PHTF2: variants seen among roughly 807,000 people sequenced by gnomAD.
The protein encoded by PHTF2 is protein PHTF2.
Under a neutral mutation model 101.2 loss-of-function variants are expected in PHTF2, and 60 were observed. The observed-to-expected ratio is 0.59, with a 90% CI of 0.48 to 0.73. PHTF2 has a LOEUF of 0.73. Among genes scored for constraint, PHTF2 ranks in the 30% least tolerant of loss-of-function variants. The pLI, the probability that PHTF2 is intolerant of heterozygous loss-of-function variation, is 0.00. For synonymous variants in PHTF2, 311 were observed against 307.3 expected, an observed-to-expected ratio of 1.01 and a Z score of -0.13; for missense variants, 747 against 908.7, an observed-to-expected ratio of 0.82 and a Z score of 2.29.
intron 10 of PHTF2, 70 bp from the exon 10 acceptor site, chr7:77,922,553 T>A: frequency 7.6e-7 from 1 of 1,309,146 alleles, no homozygotes; most frequent in South Asian, 1.6e-5. Context: ...TAATTTCAAA[T>A]TTCATAGTTT....
chr7:77,845,939 A>G lies in PHTF2; in HGVS notation c.45+5639A>G, dbSNP rs185018959. Among the ~76,000 whole-genome samples the G allele has an allele frequency of 2.3e-3, 346 of 152,298 alleles. 2 individuals carry two copies. The highest frequency in any genetic ancestry group is 7.9e-3 in the African/African-American group (327 of 41,570). On this transcript the variant is annotated intron_variant, in intron 2 of 19. Transcript: ENST00000416283. ...GTTTACTTAATCCCAAGACCAGAGCACCATCAGATGTGTCCGTCTGCCTCT... is the reference window on the plus strand; with the variant it reads ...GTTTACTTAATCCCAAGACCAGAGCGCCATCAGATGTGTCCGTCTGCCTCT...
At chr7:77,827,167 A>C (rs1458121493) in intron 1 of PHTF2, among the ~76,000 whole-genome samples, 4 of 152,162 alleles carry the variant, frequency 2.6e-5, no homozygotes, top group Non-Finnish European at 5.9e-5. Context: ...TTATTAAAGA[A>C]TGATTTTTGT....
intron 14 of PHTF2, 92 bp downstream of exon 13, chr7:77,940,394 ATT>A: frequency 1.5e-6 from 2 of 1,293,994 alleles, no homozygotes; most frequent in Non-Finnish European, 2.1e-6. Flanking sequence ...TCATTATATC[ATT>A]TTTACCTAAT....
chr7:77,864,276 T>G (rs1028531123), intron 3 of PHTF2, among the ~76,000 whole-genome samples: 1 of 152,224 alleles, frequency 6.6e-6, no homozygotes, highest in Non-Finnish European at 1.5e-5. Flanking sequence ...ATTTCTCAAA[T>G]CTGTTGTGAT....
intron 1 of PHTF2, among the ~76,000 whole-genome samples, chr7:77,817,276 G>T (rs559743142): frequency 2.8e-4 from 42 of 151,964 alleles, no homozygotes; most frequent in Non-Finnish European, 5.7e-4. Flanking sequence ...TGATGAGATG[G>T]TATCTCATTA....
At chr7:77,939,199 A>T (rs1230778839) in intron 13 of PHTF2, among the ~76,000 whole-genome samples, 4 of 152,210 alleles carry the variant, frequency 2.6e-5, no homozygotes, top group Non-Finnish European at 5.9e-5. Flanking sequence ...TTTTAAAATA[A>T]TTCCCTCACC....
rs184910456 is a variant in PHTF2, at chr7:77,801,585, A to T, written c.-36+2614A>T. Among the ~76,000 whole-genome samples the T allele has an allele frequency of 5.3e-5, 8 of 152,346 alleles. No homozygotes were observed. In the East Asian group the frequency reaches 1.5e-3, roughly 29 times the overall value. On this transcript the variant is annotated intron_variant, in intron 1 of 19. Coordinates refer to ENST00000416283, the Ensembl canonical transcript of PHTF2. Reference sequence around the variant, plus strand: ...GGGTGACAGAGCAAGACACCGTCTCAAAAACAAAAACAAAACAAAACAAAA... The same window carrying T: ...GGGTGACAGAGCAAGACACCGTCTCTAAAACAAAAACAAAACAAAACAAAA...
chr7:77,823,768 A>G (rs1794490503), intron 1 of PHTF2, among the ~76,000 whole-genome samples: 1 of 152,192 alleles, frequency 6.6e-6, no homozygotes, highest in Non-Finnish European at 1.5e-5. Context: ...GAGGTTGGGG[A>G]GGGCGGGTAA....
intron 5 of PHTF2, among the ~76,000 whole-genome samples, chr7:77,898,654 C>A (rs752126904): frequency 5.3e-5 from 8 of 152,138 alleles, no homozygotes; most frequent in African/African-American, 1.9e-4. Context: ...TGAACCATTG[C>A]TGCCTGGGGA....
At chr7:77,908,867 T>C (rs2150861942) in exon 8 of PHTF2, 1 of 1,613,004 alleles carries the variant, frequency 6.2e-7, no homozygotes, top group Non-Finnish European at 8.5e-7. Flanking sequence ...TGGGCCGATA[T>C]GGCTGATGCT....
At chr7:77,806,398 C>A (rs908419092) in intron 1 of PHTF2, among the ~76,000 whole-genome samples, 1 of 152,116 alleles carries the variant, frequency 6.6e-6, no homozygotes, top group African/African-American at 2.4e-5. Context: ...TCAATTGGAT[C>A]CCTTTATCAT....
chr7:77,823,212 A>C (rs1292809428), intron 1 of PHTF2, among the ~76,000 whole-genome samples: 2 of 147,282 alleles, frequency 1.4e-5, no homozygotes, highest in Non-Finnish European at 3.0e-5. Flanking sequence ...CCAAATATTT[A>C]AATCTTAAAT....
At chr7:77,818,123 AAAC>A (rs1794003304) in intron 1 of PHTF2, among the ~76,000 whole-genome samples, 1 of 152,012 alleles carries the variant, frequency 6.6e-6, no homozygotes, top group Non-Finnish European at 1.5e-5. Context: ...AAAAAAAAAA[AAAC>A]AACAGTTTGA....
chr7:77,836,141 A>G (rs1795450084), intron 1 of PHTF2, among the ~76,000 whole-genome samples: 1 of 151,358 alleles, frequency 6.6e-6, no homozygotes, highest in Non-Finnish European at 1.5e-5. Flanking sequence ...AAAAAAAAGA[A>G]GAGGAAGAAG....
chr7:77,844,216 A>G (rs900254482), intron 2 of PHTF2, among the ~76,000 whole-genome samples: 8 of 151,936 alleles, frequency 5.3e-5, no homozygotes, highest in Admixed American at 2.0e-4. Context: ...CTGGTCTCAA[A>G]CTTCTGGCCT....
intron 11 of PHTF2, among the ~76,000 whole-genome samples, chr7:77,927,195 T>TACACACAC (rs1434065287): frequency 1.7e-4 from 13 of 78,548 alleles, no homozygotes; most frequent in African/African-American, 4.8e-4. Flanking sequence ...TATATATATA[T>TACACACAC]ACATACACAC....
chr7:77,889,529 G>GTAGTC (rs918705467), intron 3 of PHTF2, among the ~76,000 whole-genome samples: 2 of 149,514 alleles, frequency 1.3e-5, no homozygotes, highest in African/African-American at 4.9e-5. Context: ...CTCCAAAAAA[G>GTAGTC]TAGTCTGTTT....
At chr7:77,833,160 G>C (rs200866021) in intron 1 of PHTF2, among the ~76,000 whole-genome samples, 1 of 152,176 alleles carries the variant, frequency 6.6e-6, no homozygotes, top group Admixed American at 6.5e-5. Flanking sequence ...ATATTAAATG[G>C]AAGAATTTGG....
intron 9 of PHTF2, among the ~76,000 whole-genome samples, chr7:77,912,779 G>A (rs965130289): frequency 1.6e-5 from 2 of 122,842 alleles, no homozygotes; most frequent in African/African-American, 6.2e-5. Context: ...GTAGTCCTTG[G>A]TGGAGCGCAG....
Sources: gnomAD v4.1 joint callset for allele counts (sites outside exome capture counted in the v4.1 genomes callset) on GRCh38, gnomAD v4.1.1 for gene constraint, MANE v1.5 for transcripts, NCBI Gene and HGNC (gene_info 2026-07-23, HGNC 2026-07-21) for gene names.